ADARB2: variants seen among roughly 807,000 people sequenced by gnomAD.
ADARB2 encodes inactive double-stranded RNA-specific editase B2.
In ADARB2, 25 loss-of-function variants were observed where a neutral mutation model predicts 62.2. The observed-to-expected ratio is 0.40, with a 90% CI of 0.29 to 0.56. The LOEUF (loss-of-function observed/expected upper bound fraction) is 0.56, where lower values mean the gene tolerates loss of function less well. Among genes scored for constraint, ADARB2 ranks in the 20% least tolerant of loss-of-function variants. ADARB2 has a pLI of 0.43. For synonymous variants in ADARB2, 572 were observed against 500.8 expected (o/e 1.14, Z -1.90); for missense variants, 1,071 against 1,077.4 (o/e 0.99, Z 0.08).
intron 1 of ADARB2, among the ~76,000 whole-genome samples, chr10:1,677,163 G>T (rs1017214587): frequency 2.6e-5 from 4 of 152,230 alleles, no homozygotes; most frequent in Non-Finnish European, 5.9e-5. Context: ...ACCTGCACAT[G>T]AAGGTTCAGA....
At chr10:1,268,019 C>T (rs1831223034) in intron 4 of ADARB2, among the ~76,000 whole-genome samples, 1 of 152,186 alleles carries the variant, frequency 6.6e-6, no homozygotes, top group Admixed American at 6.5e-5. Flanking sequence ...GGGCTGAGGG[C>T]TGCCACCCTC....
intron 8 of ADARB2, among the ~76,000 whole-genome samples, chr10:1,197,299 G>T (rs1479746420): frequency 6.6e-6 from 1 of 152,134 alleles, no homozygotes; most frequent in Non-Finnish European, 1.5e-5. Context: ...AAAAAAAATG[G>T]ACATAAATGG....
At chr10:1,698,582 G>C (rs1588356897) in intron 1 of ADARB2, among the ~76,000 whole-genome samples, 1 of 152,072 alleles carries the variant, frequency 6.6e-6, no homozygotes, top group Non-Finnish European at 1.5e-5. Flanking sequence ...CTGGGTATGA[G>C]AGACGCATAG....
At chr10:1,393,852 AG>A (rs1252015713) in intron 1 of ADARB2, among the ~76,000 whole-genome samples, 5 of 151,814 alleles carry the variant, frequency 3.3e-5, no homozygotes, top group Non-Finnish European at 7.3e-5. Flanking sequence ...TTAGGAAAAT[AG>A]TCTAAAGGTG....
At chr10:1,725,058 G>A (rs1377775821) in intron 1 of ADARB2, among the ~76,000 whole-genome samples, 1 of 152,196 alleles carries the variant, frequency 6.6e-6, no homozygotes, top group Non-Finnish European at 1.5e-5. Context: ...CAGTTAAACA[G>A]ACGCACTGCA....
At chr10:1,445,472 T>C (rs747092522) in intron 1 of ADARB2, among the ~76,000 whole-genome samples, 60 of 141,426 alleles carry the variant, frequency 4.2e-4, no homozygotes, top group Non-Finnish European at 6.5e-4. Flanking sequence ...CACCCACCCA[T>C]CCATTCACCA....
At position 1,178,922 on chromosome 10, in the gene ADARB2, CT is replaced by C. The variant is rs1273107130; in HGVS notation, c.*4270del. 2.0e-5 allele frequency: 3 copies of C among 152,156 alleles called. No homozygotes were observed. Among genetic ancestry groups the C allele is most frequent in the Non-Finnish European group, 4.4e-5 (3 of 68,028 alleles). The allele number at this position is 152,156 out of a possible 1,614,324, so 9.4% of individuals were successfully genotyped here. ...AGTACATAAAAGGAAAGCCTCTCAG[CT>C]TCCCTTTGGTCTCTGTTAGAAAGTG... On this transcript the variant is annotated 3_prime_UTR_variant, in exon 10 of 10. Transcript: ENST00000381312.
intron 3 of ADARB2, among the ~76,000 whole-genome samples, chr10:1,338,352 C>T (rs1831992973): frequency 1.3e-5 from 2 of 152,202 alleles, no homozygotes; most frequent in South Asian, 4.1e-4. Context: ...TGAGTCTGGT[C>T]CATAATAACT....
chr10:1,675,092 G>A, intron 1 of ADARB2: 1 of 984,874 alleles, frequency 1.0e-6, no homozygotes, highest in Non-Finnish European at 1.2e-6. Flanking sequence ...AGGGATGTGT[G>A]GATGTTCTGG....
intron 1 of ADARB2, among the ~76,000 whole-genome samples, chr10:1,512,515 A>G (rs1032064766): frequency 6.6e-6 from 1 of 152,242 alleles, no homozygotes; most frequent in Non-Finnish European, 1.5e-5. Flanking sequence ...GAATGAGGTC[A>G]GTATCATCAT....
chr10:1,415,405 A>G (rs566590116), intron 1 of ADARB2, among the ~76,000 whole-genome samples: 1 of 152,242 alleles, frequency 6.6e-6, no homozygotes, highest in South Asian at 2.1e-4. Context: ...GGAGAGATGC[A>G]TAGATGAGTG....
intron 1 of ADARB2, among the ~76,000 whole-genome samples, chr10:1,527,255 A>G (rs1832159125): frequency 6.6e-6 from 1 of 152,192 alleles, no homozygotes; most frequent in Non-Finnish European, 1.5e-5. Context: ...TCGCATCCTC[A>G]TTTACGATAT....
At chr10:1,687,267 C>A (rs1834609251) in intron 1 of ADARB2, among the ~76,000 whole-genome samples, 1 of 152,150 alleles carries the variant, frequency 6.6e-6, no homozygotes, top group Non-Finnish European at 1.5e-5. Flanking sequence ...CTCAAGTGAT[C>A]CACCCACCTC....
chr10:1,721,153 G>A (rs1250097442), intron 1 of ADARB2, among the ~76,000 whole-genome samples: 7 of 152,168 alleles, frequency 4.6e-5, no homozygotes, highest in South Asian at 2.1e-4. Flanking sequence ...TGCTTGAGGG[G>A]ATGTCAGCAG....
chr10:1,627,275 C>T (rs1293014410), intron 1 of ADARB2, among the ~76,000 whole-genome samples: 1 of 152,208 alleles, frequency 6.6e-6, no homozygotes, highest in African/African-American at 2.4e-5. Context: ...GATTAGACTC[C>T]TGATCACGGA....
At chr10:1,424,292 A>G (rs1832877058) in intron 1 of ADARB2, among the ~76,000 whole-genome samples, 1 of 152,200 alleles carries the variant, frequency 6.6e-6, no homozygotes, top group Non-Finnish European at 1.5e-5. Context: ...AGAAGCGTTT[A>G]GGGCTACACA....
At position 1,363,103 on chromosome 10, in the gene ADARB2, G is replaced by A. The variant is rs774427511; in HGVS notation, c.1002C>T (p.Ala334=). Residue 334 remains alanine (A), a synonymous_variant, in exon 3 of 10, where the codon GCC becomes GCT. Transcript: ENST00000381312. ...GGATGTCGAACAGCTCCTGCAGTGCGGCCTGCGCGGCCTGACCCCGGGCCA... is the reference window on the plus strand; with the variant it reads ...GGATGTCGAACAGCTCCTGCAGTGCAGCCTGCGCGGCCTGACCCCGGGCCA... ...KKLARGQAAQ[A]ALQELFDIQM... 5.9e-6 allele frequency: 9 copies of A among 1,523,864 alleles called. No homozygotes were observed. The highest frequency in any genetic ancestry group is 7.0e-6 in the Non-Finnish European group (8 of 1,144,136). 94.4% of individuals were successfully genotyped at this position (1,523,864 alleles called of 1,614,324 possible).
chr10:1,608,618 GAA>G (rs1833524623), intron 1 of ADARB2, among the ~76,000 whole-genome samples: 1 of 143,564 alleles, frequency 7.0e-6, no homozygotes, highest in South Asian at 2.2e-4. Context: ...AAGAAAGGAA[GAA>G]AAAAGAGAAA....
chr10:1,513,441 C>T (rs768589449), intron 1 of ADARB2, among the ~76,000 whole-genome samples: 8 of 152,132 alleles, frequency 5.3e-5, no homozygotes, highest in South Asian at 2.1e-4. Context: ...GTGTGGCTAG[C>T]GATGACGGCC....
Sources: allele counts gnomAD v4.1 joint callset (sites outside exome capture counted in the v4.1 genomes callset), GRCh38; gene constraint gnomAD v4.1.1; transcripts MANE v1.5; gene names NCBI Gene and HGNC (gene_info 2026-07-23, HGNC 2026-07-21).